Variants in GRIK4 observed in about 807,000 individuals in gnomAD.
GRIK4 encodes glutamate ionotropic receptor kainate type subunit 4, also known as glutamate receptor ionotropic, kainate 4.
In GRIK4, 40 loss-of-function variants were observed where a neutral mutation model predicts 104.9. That is an observed-to-expected ratio of 0.38 (90% CI 0.30 to 0.50). The LOEUF (loss-of-function observed/expected upper bound fraction) is 0.50, where lower values mean the gene tolerates loss of function less well. GRIK4 is among the 20% of genes least tolerant of loss of function. GRIK4 has a pLI of 0.93. For missense variants in GRIK4, 1,047 were observed against 1,308.1 expected, an observed-to-expected ratio of 0.80 and a Z score of 3.08; for synonymous variants, 485 against 524.9, an observed-to-expected ratio of 0.92 and a Z score of 1.04.
Position 120,819,896 on chromosome 11 carries a change from T to G in GRIK4, c.487T>G (p.Cys163Gly), listed in dbSNP as rs866874625. The change falls in exon 6 of 21, where the codon TGC becomes GGC. Residue 163 changes from cysteine to glycine, a missense_variant. By Grantham distance (159) the Cys-to-Gly change is radical. Around this residue, in one of 3 missense-constraint regions of GRIK4, gnomAD observed 447 missense variants for 514.9 expected, o/e 0.87. Coordinates refer to ENST00000527524, the MANE Select transcript of GRIK4 (RefSeq NM_014619.5). The surrounding 1 kb of genome is among the most constrained non-coding windows in gnomAD (Gnocchi z 4.3). Reference protein sequence around the residue: ...ILNFFNCTTACLICAKAECLL... With the variant: ...ILNFFNCTTAGLICAKAECLL... ...GAACTTCTTCAACTGCACCACCGCC[T>G]GCCTCATCTGTGCCAAAGCAGAATG... 3.1e-6 allele frequency: 5 copies of G among 1,614,046 alleles called. No homozygotes were observed. In the Middle Eastern group the frequency reaches 8.4e-4, roughly 270 times the overall value.
chr11:120,792,570 G>A (rs145833712), intron 3 of GRIK4, among the ~76,000 whole-genome samples: 5 of 152,198 alleles, frequency 3.3e-5, no homozygotes, highest in African/African-American at 4.8e-5. Context: ...CCGAAGTAGG[G>A]TGGTGGTGTT....
chr11:120,519,392 C>T (rs781463653), intron 1 of GRIK4, among the ~76,000 whole-genome samples: 5 of 152,078 alleles, frequency 3.3e-5, no homozygotes, highest in Non-Finnish European at 7.4e-5. Flanking sequence ...GGGATTATGC[C>T]CTTAAAAAGA....
intron 13 of GRIK4, among the ~76,000 whole-genome samples, chr11:120,921,621 T>C (rs751034920): frequency 6.6e-6 from 1 of 152,160 alleles, no homozygotes; most frequent in Non-Finnish European, 1.5e-5. Context: ...TCCACCCTCC[T>C]GGCTCCCACA....
intron 12 of GRIK4, among the ~76,000 whole-genome samples, chr11:120,899,672 A>G (rs1232164886): frequency 6.6e-6 from 1 of 152,190 alleles, no homozygotes; most frequent in Admixed American, 6.5e-5. Context: ...TCCCCTCTGA[A>G]GACCTTATGT....
rs375821464 is a variant in GRIK4, at chr11:120,882,129, G to T, written c.1164+6886G>T. The stretch of plus-strand genomic sequence containing the variant: ...ATGCTCTCCATGGAGAGGTACCCCC[G>T]GCATCTGTGCCCTTGACCCCAGCCC... On this transcript the variant is annotated intron_variant, in intron 11 of 20. Transcript: ENST00000527524. 1.2e-4 allele frequency among the ~76,000 whole-genome samples: 18 copies of T among 152,202 alleles called. No individual in the cohort carries two copies. The South Asian group carries it at 3.7e-3, about 32-fold the overall frequency.
chr11:120,605,964 T>G (rs1948955473), intron 1 of GRIK4, among the ~76,000 whole-genome samples: 3 of 152,210 alleles, frequency 2.0e-5, no homozygotes, highest in Admixed American at 6.5e-5. Flanking sequence ...TCTATGCCTT[T>G]TCTAATAGGC....
chr11:120,919,238 G>A (rs146245469), intron 13 of GRIK4, among the ~76,000 whole-genome samples: 43 of 151,092 alleles, frequency 2.8e-4, no homozygotes, highest in Middle Eastern at 3.4e-3. Flanking sequence ...AGTGCATTGT[G>A]TCCACATCGC....
Position 120,952,963 on chromosome 11 carries a change from C to G in GRIK4, c.1699C>G (p.Arg567Gly), listed in dbSNP as rs1206297296. ...CAGCTGTGTCCTCTTCCTGGTGGCT[C>G]GGTACTCTCCTCTTCCCTTCCCTGT... ...AVSCVLFLVA[R>G]LTPYEWYSPH... The change falls in exon 15 of 21, where the codon CGG (arginine) becomes GGG (glycine). Residue 567 changes from arginine (R) to glycine (G), a missense_variant and splice_region_variant. Physicochemically the swap from Arg to Gly is moderately radical, Grantham distance 125. This residue lies in a region of GRIK4 where 440 missense variants were observed against 652.3 expected (regional missense o/e 0.67). Transcript: ENST00000527524. The surrounding 1 kb of genome is among the most constrained non-coding windows in gnomAD (Gnocchi z 5.2). 1.3e-6 allele frequency: 2 copies of G among 1,591,828 alleles called. No homozygotes were observed. Among genetic ancestry groups the G allele is most frequent in the Non-Finnish European group, 1.7e-6 (2 of 1,160,756 alleles).
intron 1 of GRIK4, chr11:120,564,639 G>GCC (rs763378987): frequency 1.3e-5 from 2 of 152,424 alleles, no homozygotes; most frequent in Non-Finnish European, 2.9e-5. Context: ...CCTGGAGGTG[G>GCC]CCGGGCATCG....
intron 14 of GRIK4, among the ~76,000 whole-genome samples, chr11:120,946,450 C>T (rs1259657958): frequency 1.3e-5 from 2 of 152,192 alleles, no homozygotes; most frequent in East Asian, 1.9e-4. Context: ...CACCAGGGTT[C>T]GAGGCTGTAG....
intron 1 of GRIK4, among the ~76,000 whole-genome samples, chr11:120,532,434 G>A (rs914234090): frequency 6.6e-6 from 1 of 152,238 alleles, no homozygotes; most frequent in Non-Finnish European, 1.5e-5. Context: ...TCCTCTCAGA[G>A]GGGGAGAGGG....
chr11:120,583,264 C>T (rs543240748), intron 1 of GRIK4, among the ~76,000 whole-genome samples: 1 of 152,276 alleles, frequency 6.6e-6, no homozygotes, highest in East Asian at 1.9e-4. Flanking sequence ...TTGTTGGATA[C>T]ATAGTTTGCA....
chr11:120,557,007 G>A (rs1190425005), intron 1 of GRIK4, among the ~76,000 whole-genome samples: 2 of 151,978 alleles, frequency 1.3e-5, no homozygotes, highest in Admixed American at 6.6e-5. Context: ...GAGCTGACCC[G>A]TCCAGTCTCC....
rs988974847 is a variant in GRIK4, at chr11:120,986,698, T to C, written c.*438T>C. On this transcript the variant is annotated 3_prime_UTR_variant, in exon 21 of 21. Transcript: ENST00000527524. ...AAAAATTAAACAGGGAAGTTTTTCT[T>C]TTCTGGATTTGTATATTTTTGTTAA... The C allele has an allele frequency of 1.9e-5, 3 of 155,722 alleles. No individual in the cohort carries two copies. The highest frequency in any genetic ancestry group is 7.2e-5 in the African/African-American group (3 of 41,576). 9.6% of individuals were successfully genotyped at this position (155,722 alleles called of 1,614,324 possible).
intron 3 of GRIK4, among the ~76,000 whole-genome samples, chr11:120,762,132 A>T (rs11824814): frequency 0.05 from 7,542 of 152,182 alleles, 360 homozygotes; most frequent in African/African-American, 0.12. Context: ...AGTGGTTTGT[A>T]GTTCTCCTTG....
chr11:120,884,121 G>A (rs539826942), intron 11 of GRIK4, among the ~76,000 whole-genome samples: 1 of 152,352 alleles, frequency 6.6e-6, no homozygotes, highest in South Asian at 2.1e-4. Context: ...TCAGGGAAGA[G>A]TCCCAGCTCT....
At chr11:120,738,007 T>C (rs531505226) in intron 3 of GRIK4, among the ~76,000 whole-genome samples, 15 of 152,168 alleles carry the variant, frequency 9.9e-5, no homozygotes, top group African/African-American at 3.1e-4. Context: ...ATAATTTCAT[T>C]TGGGAGAGAG....
rs1425727857 is a variant in GRIK4, at chr11:120,831,926, G to T, written c.586G>T (p.Asp196Tyr). 10 of 1,613,972 alleles carry T rather than the reference G, an allele frequency of 6.2e-6. No individual in the cohort carries two copies. The highest frequency in any genetic ancestry group is 7.6e-6 in the Non-Finnish European group (9 of 1,179,930). The change falls in exon 7 of 21, where the codon GAC (aspartate) becomes TAC (tyrosine). Residue 196 changes from aspartate (D) to tyrosine (Y), a missense_variant. Asp to Tyr is a radical substitution (Grantham distance 160, BLOSUM62 -3). Coordinates refer to ENST00000527524, the MANE Select transcript of GRIK4 (RefSeq NM_014619.5). ...CACGCTGTCCGTCCGCATGCTGGAT[G>T]ACACCCGGGACCCCACCCCGCTCCT... is the stretch of plus-strand genomic sequence containing the variant. ...KDTLSVRMLD[D>Y]TRDPTPLLKE...
At chr11:120,548,339 G>A (rs1948106631) in intron 1 of GRIK4, among the ~76,000 whole-genome samples, 1 of 152,090 alleles carries the variant, frequency 6.6e-6, no homozygotes, top group African/African-American at 2.4e-5. Flanking sequence ...CATGTGGGCA[G>A]AGGCTCACTT....
Sources: allele counts gnomAD v4.1 joint callset (sites outside exome capture counted in the v4.1 genomes callset), GRCh38; gene constraint gnomAD v4.1.1; regional missense constraint gnomAD v4.1.1; non-coding constraint Gnocchi (gnomAD v3.1); transcripts MANE v1.5; gene names NCBI Gene and HGNC (gene_info 2026-07-23, HGNC 2026-07-21).